The following CDH13 variants were observed in gnomAD, a reference collection of about 807,000 sequenced individuals.
CDH13 encodes the protein cadherin-13.
CDH13 carries 24 observed loss-of-function variants against 63.8 expected under a neutral mutation model. That is an observed-to-expected ratio of 0.38 (90% CI 0.27 to 0.53). CDH13 has a LOEUF of 0.53. CDH13 is among the 20% of genes least tolerant of loss of function. CDH13 has a pLI of 0.85. For synonymous variants in CDH13, 503 were observed against 355.3 expected, an observed-to-expected ratio of 1.42 and a Z score of -4.67; for missense variants, 1,049 against 903.1, an observed-to-expected ratio of 1.16 and a Z score of -2.07.
At chr16:83,444,518 A>T (rs1267536728) in intron 6 of CDH13, among the ~76,000 whole-genome samples, 1 of 152,198 alleles carries the variant, frequency 6.6e-6, no homozygotes, top group Non-Finnish European at 1.5e-5. Context: ...GCTCAAGGGC[A>T]CCCACCTGAT....
At chr16:83,229,996 C>G (rs2039957310) in intron 5 of CDH13, among the ~76,000 whole-genome samples, 1 of 152,110 alleles carries the variant, frequency 6.6e-6, no homozygotes, top group South Asian at 2.1e-4. Context: ...GGAGGAGAGC[C>G]CTGTGCTCTT....
chr16:83,597,728 C>G (rs906677509), intron 7 of CDH13, among the ~76,000 whole-genome samples: 1 of 152,176 alleles, frequency 6.6e-6, no homozygotes, highest in African/African-American at 2.4e-5. Flanking sequence ...AATTGATTCT[C>G]TACTAGGTTA....
intron 6 of CDH13, among the ~76,000 whole-genome samples, chr16:83,421,150 A>G (rs540553078): frequency 1.9e-4 from 29 of 152,156 alleles, no homozygotes; most frequent in African/African-American, 7.0e-4. Flanking sequence ...CTCATATTCC[A>G]GTACTGGAGG....
intron 1 of CDH13, among the ~76,000 whole-genome samples, chr16:82,721,390 A>G (rs915832836): frequency 3.3e-5 from 5 of 152,108 alleles, no homozygotes; most frequent in Admixed American, 2.0e-4. Context: ...TATATTTAGG[A>G]TGAGTGAGGG....
At chr16:82,795,412 A>G (rs1296091751) in intron 1 of CDH13, among the ~76,000 whole-genome samples, 4 of 152,214 alleles carry the variant, frequency 2.6e-5, no homozygotes, top group African/African-American at 7.2e-5. Flanking sequence ...CAGCCAATGC[A>G]TCAACCTGGG....
At chr16:83,199,515 G>A (rs1233230752) in intron 4 of CDH13, among the ~76,000 whole-genome samples, 8 of 152,298 alleles carry the variant, frequency 5.3e-5, no homozygotes, top group East Asian at 3.9e-4. Flanking sequence ...GTTAAAAAAA[G>A]CAATAGAAAC....
chr16:83,557,755 A>C (rs563918474), intron 7 of CDH13, among the ~76,000 whole-genome samples: 1 of 152,118 alleles, frequency 6.6e-6, no homozygotes, highest in East Asian at 1.9e-4. Flanking sequence ...TTTCATCTCA[A>C]TGCCCATTTG....
intron 6 of CDH13, among the ~76,000 whole-genome samples, chr16:83,358,656 C>T (rs530625149): frequency 5.3e-5 from 8 of 152,162 alleles, no homozygotes; most frequent in Non-Finnish European, 1.0e-4. Flanking sequence ...CGCTTTTTAA[C>T]CACTGTGCTT....
At chr16:82,871,843 C>T (rs1312964343) in intron 2 of CDH13, among the ~76,000 whole-genome samples, 1 of 152,106 alleles carries the variant, frequency 6.6e-6, no homozygotes, top group Non-Finnish European at 1.5e-5. Flanking sequence ...AGAGGGTTTC[C>T]CTCCAAGATG....
At chr16:83,323,021 C>T (rs762625716) in intron 5 of CDH13, among the ~76,000 whole-genome samples, 2 of 151,832 alleles carry the variant, frequency 1.3e-5, no homozygotes, top group Non-Finnish European at 2.9e-5. Flanking sequence ...GGCCCCCTAC[C>T]CTGTAGGGGG....
rs1451003566 is a variant in CDH13, at chr16:83,038,580, T to G, written c.366+6362T>G. On this transcript the variant is annotated intron_variant, in intron 3 of 13. Transcript: ENST00000567109. ...TATGTCTGGACAGAATCATGACTTT[T>G]CCCCACCAAATCTGCTGTTTCTCAT... Among the ~76,000 whole-genome samples the G allele has an allele frequency of 2.0e-5, 3 of 152,212 alleles. No individual in the cohort carries two copies. In the East Asian group the frequency reaches 5.8e-4, roughly 29 times the overall value.
chr16:82,891,633 T>C (rs1218855510), intron 2 of CDH13, among the ~76,000 whole-genome samples: 1 of 152,162 alleles, frequency 6.6e-6, no homozygotes, highest in East Asian at 1.9e-4. Flanking sequence ...GAGTGATCAG[T>C]GTGACAGAGA....
At chr16:82,910,424 C>A (rs1197767122) in intron 2 of CDH13, among the ~76,000 whole-genome samples, 1 of 152,152 alleles carries the variant, frequency 6.6e-6, no homozygotes, top group Non-Finnish European at 1.5e-5. Flanking sequence ...TACCTTTTGT[C>A]CCTAGGCTCC....
At chr16:83,146,444 G>A (rs539492001) in intron 4 of CDH13, among the ~76,000 whole-genome samples, 1 of 152,092 alleles carries the variant, frequency 6.6e-6, no homozygotes, top group Non-Finnish European at 1.5e-5. Context: ...TCTGCAATTT[G>A]TTTGGTCTTC....
At chr16:83,779,008 T>A (rs1915317051) in intron 11 of CDH13, among the ~76,000 whole-genome samples, 1 of 152,254 alleles carries the variant, frequency 6.6e-6, no homozygotes, top group Non-Finnish European at 1.5e-5. Flanking sequence ...AAGTCATATT[T>A]ATCTCCATTC....
At chr16:82,818,515 G>C (rs1028889136) in intron 1 of CDH13, among the ~76,000 whole-genome samples, 4 of 152,150 alleles carry the variant, frequency 2.6e-5, no homozygotes, top group Admixed American at 2.0e-4. Flanking sequence ...ACATACAAGA[G>C]GGAATAACAT....
chr16:83,438,705 T>C (rs12448320), intron 6 of CDH13, among the ~76,000 whole-genome samples: 30,391 of 152,244 alleles, frequency 0.2, 3,398 homozygotes, highest in Admixed American at 0.32. Context: ...TGTTTTTAAA[T>C]ATTTTCTCCA....
intron 2 of CDH13, among the ~76,000 whole-genome samples, chr16:83,017,475 T>G (rs1914919221): frequency 1.3e-5 from 2 of 152,220 alleles, no homozygotes; most frequent in South Asian, 4.1e-4. Context: ...CTATATTAGT[T>G]GTAAAAAGCA....
intron 3 of CDH13, among the ~76,000 whole-genome samples, chr16:83,062,268 T>G (rs566567640): frequency 6.6e-6 from 1 of 152,364 alleles, no homozygotes; most frequent in East Asian, 1.9e-4. Flanking sequence ...TCTATCACAG[T>G]ACCTCACTTG....
Sources: gnomAD v4.1 joint callset for allele counts (sites outside exome capture counted in the v4.1 genomes callset) on GRCh38, gnomAD v4.1.1 for gene constraint, MANE v1.5 for transcripts, NCBI Gene and HGNC (gene_info 2026-07-23, HGNC 2026-07-21) for gene names.